The following CAPN7 variants were observed in gnomAD, a reference collection of about 807,000 sequenced individuals.
CAPN7 encodes calpain-7.
In CAPN7, 72 loss-of-function variants were observed where a neutral mutation model predicts 115.2. The ratio of observed to expected loss-of-function variants is 0.63; its 90% CI spans 0.52 to 0.76. CAPN7 has a LOEUF of 0.76. CAPN7 is among the 30% of genes least tolerant of loss of function. The probability of loss-of-function intolerance (pLI) is 0.00; values close to 1 mark genes in which losing one functional copy is unlikely to be tolerated. For synonymous variants in CAPN7, 344 were observed against 322.3 expected, an observed-to-expected ratio of 1.07 and a Z score of -0.72; for missense variants, 905 against 971.5, an observed-to-expected ratio of 0.93 and a Z score of 0.91.
chr3:15,211,224 A>G (rs369615289), intron 1 of CAPN7, among the ~76,000 whole-genome samples: 22 of 152,176 alleles, frequency 1.4e-4, no homozygotes, highest in African/African-American at 4.3e-4. Flanking sequence ...TTTTCTTGAT[A>G]ATTTTATTTT....
intron 5 of CAPN7, 79 bp downstream of exon 5, chr3:15,221,060 AATTGT>A (rs1246019051): frequency 4.5e-6 from 5 of 1,116,344 alleles, no homozygotes; most frequent in African/African-American, 3.1e-5. Context: ...AGGTTTGCTG[AATTGT>A]ATTCAGATTT....
intron 5 of CAPN7, among the ~76,000 whole-genome samples, chr3:15,221,963 A>T (rs1401430444): frequency 1.3e-5 from 2 of 152,048 alleles, no homozygotes; most frequent in African/African-American, 2.4e-5. Context: ...CAAAAAAAAA[A>T]ATATGTGTGT....
rs199849909 is a variant in CAPN7 at position 15,241,541 on chromosome 3, G to A, written c.1741G>A (p.Gly581Arg). The A allele has an allele frequency of 9.3e-6, 15 of 1,613,972 alleles. No homozygotes were observed. The highest frequency in any genetic ancestry group is 4.5e-5 in the East Asian group (2 of 44,890). Residue 581 changes from glycine (G) to arginine (R), a missense_variant, in exon 15 of 21, where the codon GGG becomes AGG. Gly to Arg is a moderately radical substitution (Grantham distance 125, BLOSUM62 -2). This residue lies in a region of CAPN7 where 620 missense variants were observed against 703.4 expected (regional missense o/e 0.88). Coordinates refer to ENST00000253693, the MANE Select transcript of CAPN7 (RefSeq NM_014296.3). ...QYKLEVQCPQGGAAVWVLLSR... is the reference protein window; with the variant it reads ...QYKLEVQCPQRGAAVWVLLSR... ...CAAACTGGAGGTGCAGTGTCCACAG[G>A]GGGGTGCTGCAGTTTGGGTTTTGCT... is the stretch of plus-strand genomic sequence containing the variant.
At chr3:15,240,921 G>A in intron 14 of CAPN7, 68 bp downstream of exon 14, 1 of 1,015,852 alleles carries the variant, frequency 9.8e-7, no homozygotes, top group Non-Finnish European at 1.5e-6. Flanking sequence ...AAAACATAAT[G>A]GTGCCAGGCG....
intron 18 of CAPN7, 155 bp from the exon 19 acceptor site, chr3:15,247,172 C>A: frequency 3.4e-6 from 2 of 596,948 alleles, no homozygotes; most frequent in Middle Eastern, 4.5e-4. Flanking sequence ...AGCAAAGCAG[C>A]CTGGCTGTCA....
At chr3:15,245,411 T>C (rs1224732632) in intron 16 of CAPN7, 115 bp from the exon 17 acceptor site, 1 of 900,078 alleles carries the variant, frequency 1.1e-6, no homozygotes, top group Non-Finnish European at 1.7e-6. Context: ...CATTATATTT[T>C]AAGGAGAGAA....
chr3:15,232,644 T>G lies in CAPN7; in HGVS notation c.1158T>G (p.Tyr386Ter). 1 of 1,609,244 alleles carries G rather than the reference T, an allele frequency of 6.2e-7. No homozygotes were observed. The highest frequency in any genetic ancestry group is 8.5e-7 in the Non-Finnish European group (1 of 1,178,346). Reference protein sequence around the residue: ...EKAYMKVMGGYDFPGSNSNID... With the variant: ...EKAYMKVMGG ...CATACATGAAAGTCATGGGAGGATATGATTTTCCAGGATCCAACTCCGTAA... is the reference window on the plus strand; with the variant it reads ...CATACATGAAAGTCATGGGAGGATAGGATTTTCCAGGATCCAACTCCGTAA... Residue 386 changes from tyrosine to a stop codon, truncating the protein, a stop_gained, in exon 10 of 21, where the codon TAT becomes TAG. Transcript: ENST00000253693. LOFTEE classifies it high-confidence loss of function.
chr3:15,247,219 C>G, intron 18 of CAPN7, 108 bp from the exon 19 acceptor site: 2 of 809,146 alleles, frequency 2.5e-6, no homozygotes, highest in Non-Finnish European at 3.7e-6. Flanking sequence ...GTTGGAGACA[C>G]AGAGTGGAAA....
chr3:15,218,516 A>G lies in CAPN7; in HGVS notation c.413A>G (p.Gln138Arg), dbSNP rs758539262. Reference sequence around the variant, plus strand: ...AAAGTCCTGCAAAATAAACTGAAACAGTTGGCTCGACAGGCACTAGACAGG... The same window carrying G: ...AAAGTCCTGCAAAATAAACTGAAACGGTTGGCTCGACAGGCACTAGACAGG... ...ADKVLQNKLK[Q>R]LARQALDRAE... The change falls in exon 4 of 21, where the codon CAG becomes CGG. Residue 138 changes from glutamine to arginine, a missense_variant. Gln to Arg is a conservative substitution (Grantham distance 43). Transcript: ENST00000253693. 2.5e-6 allele frequency: 4 copies of G among 1,613,456 alleles called. No homozygotes were observed. The South Asian group carries it at 3.3e-5, about 13-fold the overall frequency.
chr3:15,210,880 T>C, intron 1 of CAPN7: 1 of 1,289,314 alleles, frequency 7.8e-7, no homozygotes, highest in South Asian at 1.2e-5. Flanking sequence ...GAAACAGGCA[T>C]GATGACCCAT....
rs566848355 is a variant in CAPN7 at position 15,218,460 on chromosome 3, T to C, written c.370-13T>C. ...TTATGCTTTAAAATGTCTGTCTCTT[T>C]CTTTCTCTTAAGTCTTATGAAACTG... On this transcript the variant is annotated splice_polypyrimidine_tract_variant and intron_variant, in intron 3 of 20. Coordinates refer to ENST00000253693, the MANE Select transcript of CAPN7 (RefSeq NM_014296.3). 4.3e-5 allele frequency: 69 copies of C among 1,591,276 alleles called. No homozygotes were observed. The East Asian group carries it at 1.5e-3, about 35-fold the overall frequency.
At chr3:15,235,201 A>T in intron 12 of CAPN7, 56 bp downstream of exon 12, 1 of 1,468,826 alleles carries the variant, frequency 6.8e-7, no homozygotes, top group Non-Finnish European at 9.2e-7. Flanking sequence ...CATTTCAGGG[A>T]TCCCAGATAA....
At chr3:15,212,665 A>G (rs970666426) in intron 2 of CAPN7, among the ~76,000 whole-genome samples, 1 of 152,160 alleles carries the variant, frequency 6.6e-6, no homozygotes, top group Non-Finnish European at 1.5e-5. Flanking sequence ...TTAAAACCAT[A>G]TCTTGGGAAA....
intron 12 of CAPN7, among the ~76,000 whole-genome samples, chr3:15,238,665 C>G (rs954859709): frequency 2.6e-5 from 4 of 151,984 alleles, no homozygotes; most frequent in African/African-American, 4.8e-5. Context: ...GCGATTCTCT[C>G]TTTGGGTCAT....
At chr3:15,241,661 C>A in intron 15 of CAPN7, 73 bp downstream of exon 15, 1 of 1,281,976 alleles carries the variant, frequency 7.8e-7, no homozygotes, top group Non-Finnish European at 1.1e-6. Context: ...GAAAGACATA[C>A]GTAAACACCA....
chr3:15,225,178 C>T (rs961821523), intron 6 of CAPN7, among the ~76,000 whole-genome samples: 1 of 152,190 alleles, frequency 6.6e-6, no homozygotes, highest in Non-Finnish European at 1.5e-5. Context: ...CTAGAAAAAT[C>T]ATCATTTTGT....
chr3:15,248,218 A>G (rs1269772027), intron 19 of CAPN7, among the ~76,000 whole-genome samples: 1 of 152,140 alleles, frequency 6.6e-6, no homozygotes, highest in East Asian at 1.9e-4. Flanking sequence ...ATAAAAACAC[A>G]TTATAAAGGG....
At chr3:15,231,927 C>G (rs925711243) in intron 9 of CAPN7, among the ~76,000 whole-genome samples, 1 of 152,174 alleles carries the variant, frequency 6.6e-6, no homozygotes, top group African/African-American at 2.4e-5. Flanking sequence ...TACAACTATA[C>G]ATGAGTCTTT....
At chr3:15,231,359 A>G (rs552253198) in intron 9 of CAPN7, among the ~76,000 whole-genome samples, 1 of 152,186 alleles carries the variant, frequency 6.6e-6, no homozygotes, top group South Asian at 2.1e-4. Context: ...TGTTGTCTAG[A>G]ATACTCTCTG....
Sources: gnomAD v4.1 joint callset for allele counts (sites outside exome capture counted in the v4.1 genomes callset) on GRCh38, gnomAD v4.1.1 for gene constraint, gnomAD v4.1.1 regional missense constraint, MANE v1.5 for transcripts, NCBI Gene and HGNC (gene_info 2026-07-23, HGNC 2026-07-21) for gene names.